PRR12: variants seen among roughly 807,000 people sequenced by gnomAD.
PRR12 encodes proline rich 12, also known as proline-rich protein 12.
PRR12 carries 12 observed loss-of-function variants against 138.0 expected under a neutral mutation model. That is an observed-to-expected ratio of 0.09 (90% CI 0.06 to 0.14). The LOEUF is 0.14. Among genes scored for constraint, PRR12 ranks in the 10% least tolerant of loss-of-function variants. The pLI is 1.00. For synonymous variants in PRR12, 1,567 were observed against 1,291.7 expected, an observed-to-expected ratio of 1.21 and a Z score of -4.57; for missense variants, 2,692 against 2,861.3, an observed-to-expected ratio of 0.94 and a Z score of 1.35.
rs1334913021 is a variant in PRR12, at chr19:49,601,903, C to T, written c.4758C>T (p.Asp1586=). Residue 1586 remains aspartate (D), a synonymous_variant, in exon 6 of 14, where the codon GAC becomes GAT. Transcript: ENST00000418929. ...ACGAGTTCGTCATCCGTGCTGAGGA[C>T]ATCCCTTCCCTCAAGGTGAGTCCCA... ...ERDEFVIRAE[D]IPSLKLALQT... The T allele has an allele frequency of 1.2e-6, 2 of 1,611,640 alleles. No individual in the cohort carries two copies. The highest frequency in any genetic ancestry group is 1.7e-6 in the Non-Finnish European group (2 of 1,179,748).
chr19:49,618,393 CT>C (rs970332162), intron 9 of PRR12, among the ~76,000 whole-genome samples: 10 of 148,278 alleles, frequency 6.7e-5, no homozygotes, highest in Admixed American at 1.4e-4. Flanking sequence ...CTTTTCTTTT[CT>C]TTTTTTTTTG....
chr19:49,602,705 C>A lies in PRR12; in HGVS notation c.4773+787C>A, dbSNP rs1232363877. Among the ~76,000 whole-genome samples the A allele has an allele frequency of 2.0e-5, 3 of 152,294 alleles. No homozygotes were observed. In the East Asian group the frequency reaches 5.8e-4, roughly 29 times the overall value. On this transcript the variant is annotated intron_variant, in intron 6 of 13. Coordinates refer to ENST00000418929, the MANE Select transcript of PRR12 (RefSeq NM_020719.3). ...TATCTGGGACTACAGGCGCAGGCCA[C>A]CACACCCGGCTGATTTTTGTGTTTT... is the stretch of plus-strand genomic sequence containing the variant.
intron 6 of PRR12, among the ~76,000 whole-genome samples, chr19:49,602,290 A>T (rs2122319150): frequency 6.6e-6 from 1 of 152,268 alleles, no homozygotes; most frequent in East Asian, 1.9e-4. Context: ...GGGAGCTTCT[A>T]GTTTAATGGA....
intron 6 of PRR12, among the ~76,000 whole-genome samples, chr19:49,613,343 A>G (rs1011200738): frequency 2.9e-4 from 44 of 151,976 alleles, no homozygotes; most frequent in African/African-American, 9.7e-4. Context: ...AAAAAAAAAA[A>G]AAAAAAAAAT....
At chr19:49,600,479 TCAAAAA>T (rs2080803989) in intron 5 of PRR12, among the ~76,000 whole-genome samples, 1 of 127,914 alleles carries the variant, frequency 7.8e-6, no homozygotes, top group Non-Finnish European at 1.7e-5. Flanking sequence ...AGGGGAGTGT[TCAAAAA>T]AAAAAAAAAA....
intron 6 of PRR12, among the ~76,000 whole-genome samples, chr19:49,606,479 T>A (rs2080838795): frequency 6.6e-6 from 1 of 150,802 alleles, no homozygotes; most frequent in Admixed American, 6.6e-5. Flanking sequence ...GTCAGGCTAA[T>A]TTTTGTATTT....
At chr19:49,592,826 G>A (rs1351214984) in intron 1 of PRR12, among the ~76,000 whole-genome samples, 1 of 152,086 alleles carries the variant, frequency 6.6e-6, no homozygotes, top group Non-Finnish European at 1.5e-5. Flanking sequence ...TTGCCGCTTG[G>A]GAACCGATCT....
Position 49,597,104 on chromosome 19 carries a change from G to T in PRR12, c.2769G>T (p.Ala923=). The T allele has an allele frequency of 6.4e-7, 1 of 1,551,136 alleles. No homozygotes were observed. The change falls in exon 4 of 14, where the codon GCG becomes GCT. Residue 923 remains alanine, a synonymous_variant. Transcript: ENST00000418929. The surrounding 1 kb of genome is among the most constrained non-coding windows in gnomAD (Gnocchi z 6.3). The part of the protein sequence containing the change: ...YRSPSPQGTK[A]PRFVPLTSIC... ...GCCCCAGCCCGCAAGGCACCAAGGC[G>T]CCGCGTTTCGTGCCGCTCACCTCCA...
At chr19:49,611,344 A>T (rs1341961194) in intron 6 of PRR12, among the ~76,000 whole-genome samples, 1 of 151,906 alleles carries the variant, frequency 6.6e-6, no homozygotes, top group Non-Finnish European at 1.5e-5. Context: ...AACAAAGAAC[A>T]AAACAAAAAA....
Position 49,597,025 on chromosome 19 carries a change from C to G in PRR12, c.2690C>G (p.Thr897Ser). ...LEPLPPAPGDTGVGPPNSEGK... is the reference protein window; with the variant it reads ...LEPLPPAPGDSGVGPPNSEGK... ...CCGCTGCCCCCGGCGCCTGGGGATA[C>G]TGGCGTAGGCCCACCAAACTCGGAG... The change falls in exon 4 of 14, where the codon ACT becomes AGT. Residue 897 changes from threonine to serine, a missense_variant. Thr to Ser is a moderately conservative substitution (Grantham distance 58). Coordinates refer to ENST00000418929, the MANE Select transcript of PRR12 (RefSeq NM_020719.3). This position sits in a 1 kb window ranked among gnomAD's most constrained non-coding sequence, Gnocchi z 6.3. 6.4e-7 allele frequency: 1 copy of G among 1,557,294 alleles called. No individual in the cohort carries two copies. The highest frequency in any genetic ancestry group is 8.7e-7 in the Non-Finnish European group (1 of 1,152,738).
intron 6 of PRR12, among the ~76,000 whole-genome samples, chr19:49,603,854 G>A (rs2080824887): frequency 2.0e-5 from 3 of 151,112 alleles, no homozygotes; most frequent in Admixed American, 1.3e-4. Flanking sequence ...TTTTTGAGAC[G>A]GAGTCGCCCA....
At chr19:49,615,610 G>C (rs2080888036) in intron 8 of PRR12, 137 bp from the exon 9 acceptor site, 5 of 725,168 alleles carry the variant, frequency 6.9e-6, no homozygotes, top group Non-Finnish European at 2.2e-6. Flanking sequence ...CAGAGAGGGA[G>C]GGGAACAGAG....
intron 6 of PRR12, among the ~76,000 whole-genome samples, chr19:49,608,815 G>A (rs2080851111): frequency 6.6e-6 from 1 of 151,870 alleles, no homozygotes; most frequent in South Asian, 2.1e-4. Flanking sequence ...ACTCCAGCCT[G>A]GGTGACAGTG....
Position 49,599,617 on chromosome 19 carries a change from G to C in PRR12, c.4024G>C (p.Gly1342Arg). 1 of 1,603,452 alleles carries C rather than the reference G, an allele frequency of 6.2e-7. No homozygotes were observed. The highest frequency in any genetic ancestry group is 8.5e-7 in the Non-Finnish European group (1 of 1,173,514). The change falls in exon 5 of 14, where the codon GGG (glycine) becomes CGG (arginine). Residue 1342 changes from glycine (G) to arginine (R), a missense_variant. By Grantham distance (125) the Gly-to-Arg change is moderately radical. This residue lies in a region of PRR12 where 326 missense variants were observed against 344.2 expected (regional missense o/e 0.95). Coordinates refer to ENST00000418929, the MANE Select transcript of PRR12 (RefSeq NM_020719.3). This position sits in a 1 kb window ranked among gnomAD's most constrained non-coding sequence, Gnocchi z 5.0. ...VPHPPPSGAF[G>R]LGGALEAAES... ...ACATCCCCCACCTTCCGGAGCCTTT[G>C]GGCTTGGGGGCGCCCTGGAGGCTGC... is the stretch of plus-strand genomic sequence containing the variant.
At chr19:49,598,310 G>A (rs558240788) in intron 4 of PRR12, among the ~76,000 whole-genome samples, 7 of 151,706 alleles carry the variant, frequency 4.6e-5, no homozygotes, top group Admixed American at 2.6e-4. Flanking sequence ...TCCTGGCCTC[G>A]TGATCCACCC....
chr19:49,622,951 A>AGG (rs1852436191), intron 11 of PRR12, among the ~76,000 whole-genome samples: 1 of 114,480 alleles, frequency 8.7e-6, no homozygotes, highest in Non-Finnish European at 1.7e-5. Context: ...AGAGAGAGAG[A>AGG]GAGAGAAAGA....
intron 6 of PRR12, among the ~76,000 whole-genome samples, chr19:49,606,927 G>A (rs1599794209): frequency 6.6e-6 from 1 of 152,114 alleles, no homozygotes; most frequent in African/African-American, 2.4e-5. Flanking sequence ...CAGAAAAACA[G>A]CAATCCAATA....
rs777541862 is a variant in PRR12 at position 49,601,569 on chromosome 19, C to T, written c.4424C>T (p.Pro1475Leu). ...CCTCAGCCTCAGCCTCCGCCACCCC[C>T]TCCGCCGCCACAGCCAGCCCTGCCC... Reference protein sequence around the residue: ...PTPQPQPPPPPPPPQPALPSP... With the variant: ...PTPQPQPPPPLPPPQPALPSP... The change falls in exon 6 of 14, where the codon CCT becomes CTT. Residue 1475 changes from proline to leucine, a missense_variant. This residue lies in a region of PRR12 where 231 missense variants were observed against 200.8 expected (regional missense o/e 1.15). Transcript: ENST00000418929. 10 of 1,541,992 alleles carry T rather than the reference C, an allele frequency of 6.5e-6. No homozygotes were observed. Among genetic ancestry groups the T allele is most frequent in the Non-Finnish European group, 7.0e-6 (8 of 1,140,898 alleles).
chr19:49,595,376 C>T lies in PRR12; in HGVS notation c.1041C>T (p.Ser347=), dbSNP rs1183155696. 7.1e-6 allele frequency: 11 copies of T among 1,540,690 alleles called. No individual in the cohort carries two copies. The highest frequency in any genetic ancestry group is 2.2e-4 in the Middle Eastern group (1 of 4,468). The change falls in exon 4 of 14, where the codon AGC becomes AGT. Residue 347 remains serine (S), a synonymous_variant. Coordinates refer to ENST00000418929, the MANE Select transcript of PRR12 (RefSeq NM_020719.3). Reference sequence around the variant, plus strand: ...CCTCCCCGGGTGCTGGGGAGCCTAGCAAGGCTGGTCCCAGCGGAGCCACGG... The same window carrying T: ...CCTCCCCGGGTGCTGGGGAGCCTAGTAAGGCTGGTCCCAGCGGAGCCACGG... ...GEPSPGAGEP[S]KAGPSGATAG... is the part of the protein sequence containing the mutation.
Sources: allele counts gnomAD v4.1 joint callset (sites outside exome capture counted in the v4.1 genomes callset), GRCh38; gene constraint gnomAD v4.1.1; regional missense constraint gnomAD v4.1.1; non-coding constraint Gnocchi (gnomAD v3.1); transcripts MANE v1.5; gene names NCBI Gene and HGNC (gene_info 2026-07-23, HGNC 2026-07-21).